SERPINA9: variants seen among roughly 807,000 people sequenced by gnomAD.
SERPINA9 encodes the protein serpin family A member 9.
In SERPINA9, 32 loss-of-function variants were observed where a neutral mutation model predicts 24.5. The observed-to-expected ratio is 1.30, with a 90% CI of 0.98 to 1.75. SERPINA9 has a LOEUF of 1.75. Ranked by LOEUF, SERPINA9 falls within the 40% of genes most tolerant of loss-of-function variation. The probability of loss-of-function intolerance (pLI) is 0.00; values close to 1 mark genes in which losing one functional copy is unlikely to be tolerated. For synonymous variants in SERPINA9, 233 were observed against 197.7 expected, an observed-to-expected ratio of 1.18 and a Z score of -1.50; for missense variants, 594 against 497.1, an observed-to-expected ratio of 1.19 and a Z score of -1.85.
At chr14:94,463,529 T>G (rs542743493) in intron 4 of SERPINA9, among the ~76,000 whole-genome samples, 34 of 152,024 alleles carry the variant, frequency 2.2e-4, no homozygotes, top group African/African-American at 7.7e-4. Flanking sequence ...AAGACCGGAG[T>G]GAGTCTCAGT....
At chr14:94,470,866 A>G (rs1899282052) in intron 1 of SERPINA9, among the ~76,000 whole-genome samples, 1 of 152,118 alleles carries the variant, frequency 6.6e-6, no homozygotes, top group Admixed American at 6.5e-5. Flanking sequence ...GAAAGATTTC[A>G]TTTCCTTTAA....
At chr14:94,475,295 C>T (rs1263924879) in intron 1 of SERPINA9, among the ~76,000 whole-genome samples, 2 of 152,140 alleles carry the variant, frequency 1.3e-5, no homozygotes, top group Non-Finnish European at 2.9e-5. Flanking sequence ...TGTAACTCAT[C>T]AGCTCACTCT....
At chr14:94,467,085 C>T in intron 3 of SERPINA9, 24 bp downstream of exon 3, 1 of 1,607,320 alleles carries the variant, frequency 6.2e-7, no homozygotes, top group Non-Finnish European at 8.5e-7. Context: ...CCTCAGGGCC[C>T]AGGAGATTGA....
chr14:94,469,833 G>A lies in SERPINA9; in HGVS notation c.8C>T (p.Ser3Phe). The change falls in exon 2 of 5, where the codon TCT becomes TTT. Residue 3 changes from serine to phenylalanine, a missense_variant. Coordinates refer to ENST00000674397, the MANE Select transcript of SERPINA9 (RefSeq NM_175739.4). MA[S>F]YLYGVLFAVG... is the part of the protein sequence containing the mutation. ...AGCAAAGAGTACTCCATAAAGGTAA[G>A]ATGCCATTTTGGAACAAAATATGTC... The A allele has an allele frequency of 6.6e-7, 1 of 1,510,726 alleles. No homozygotes were observed. The highest frequency in any genetic ancestry group is 8.8e-7 in the Non-Finnish European group (1 of 1,130,208). The allele number at this position is 1,510,726 out of a possible 1,614,324, so 93.6% of individuals were successfully genotyped here.
At chr14:94,467,955 G>A (rs1899097954) in intron 2 of SERPINA9, among the ~76,000 whole-genome samples, 1 of 147,978 alleles carries the variant, frequency 6.8e-6, no homozygotes. Flanking sequence ...ATAGATGGAT[G>A]AACTGATGGA....
Position 94,473,472 on chromosome 14 carries a change from T to C in SERPINA9, c.-18+2664A>G, listed in dbSNP as rs536247630. On this transcript the variant is annotated intron_variant, in intron 1 of 4. Coordinates refer to ENST00000674397, the MANE Select transcript of SERPINA9 (RefSeq NM_175739.4). ...AGGCGGAAGTTGCAGTGAGTCGAGA[T>C]CAGGCCATTGCACTCCAGCCTGGGC... Among the ~76,000 whole-genome samples the C allele has an allele frequency of 2.1e-3, 288 of 136,134 alleles. 2 individuals carry two copies. The highest frequency in any genetic ancestry group is 7.9e-3 in the African/African-American group (278 of 35,218). The allele number at this position is 136,134 out of a possible 152,430, so 89.3% of individuals were successfully genotyped here.
intron 1 of SERPINA9, 38 bp downstream of exon 1, chr14:94,476,095 ACAC>A (rs1394525531): frequency 6.2e-7 from 1 of 1,613,932 alleles, no homozygotes; most frequent in African/African-American, 1.3e-5. Flanking sequence ...TGGCTCAGTG[ACAC>A]CACATTCCCG....
chr14:94,472,837 T>C (rs1899388493), intron 1 of SERPINA9, among the ~76,000 whole-genome samples: 1 of 152,164 alleles, frequency 6.6e-6, no homozygotes, highest in Non-Finnish European at 1.5e-5. Flanking sequence ...AGATTCAGGC[T>C]GGGAGGACCA....
In SERPINA9 at chr14:94,464,708, T is replaced by G. The variant is rs200842178; in HGVS notation, c.1049A>C (p.Lys350Thr). The change falls in exon 4 of 5, where the codon AAA becomes ACA. Residue 350 changes from lysine (K) to threonine (T), a missense_variant and splice_region_variant. Physicochemically the swap from Lys to Thr is moderately conservative, Grantham distance 78 (BLOSUM62 -1). Transcript: ENST00000674397. ...IAKRDSLQVSKATHKAVLDVS... is the reference protein window; with the variant it reads ...IAKRDSLQVSTATHKAVLDVS... ...TGCAAATATTTTCATTCAACTCACT[T>G]TAGAAACCTGCAGGGAGTCTCTCTT... The G allele has an allele frequency of 8.7e-6, 14 of 1,611,480 alleles. No individual in the cohort carries two copies. The East Asian group carries it at 3.1e-4, about 36-fold the overall frequency.
intron 3 of SERPINA9, 48 bp from the exon 4 acceptor site, chr14:94,464,902 C>T (rs768774439): frequency 4.6e-6 from 7 of 1,513,288 alleles, no homozygotes; most frequent in Non-Finnish European, 6.3e-6. Flanking sequence ...CCCATGGTGT[C>T]TGCATCTCTG....
intron 2 of SERPINA9, 108 bp from the exon 3 acceptor site, chr14:94,467,490 G>T: frequency 9.5e-7 from 1 of 1,050,294 alleles, no homozygotes; most frequent in Non-Finnish European, 1.4e-6. Flanking sequence ...GTTTCTTTTT[G>T]AGGTGACAAA....
At position 94,464,779 on chromosome 14, in the gene SERPINA9, G is replaced by T; in HGVS notation, c.978C>A (p.Gly326=). ...YNLETILPKM[G]IQNVFDKNAD... ...CATTTTTGTCAAAGACATTTTGGATGCCCATCTTCGGGAGGATGGTTTCCA... is the reference window on the plus strand; with the variant it reads ...CATTTTTGTCAAAGACATTTTGGATTCCCATCTTCGGGAGGATGGTTTCCA... The change falls in exon 4 of 5, where the codon GGC becomes GGA. Residue 326 remains glycine (G), a synonymous_variant. Transcript: ENST00000674397. 1 of 1,611,794 alleles carries T rather than the reference G, an allele frequency of 6.2e-7. No individual in the cohort carries two copies. Among genetic ancestry groups the T allele is most frequent in the Non-Finnish European group, 8.5e-7 (1 of 1,177,832 alleles).
At chr14:94,467,080 G>A in intron 3 of SERPINA9, 29 bp downstream of exon 3, 4 of 1,604,128 alleles carry the variant, frequency 2.5e-6, no homozygotes, top group Non-Finnish European at 3.4e-6. Context: ...CCCTGCCTCA[G>A]GGCCCAGGAG....
At chr14:94,472,529 T>C (rs542875743) in intron 1 of SERPINA9, among the ~76,000 whole-genome samples, 7 of 152,276 alleles carry the variant, frequency 4.6e-5, no homozygotes, top group East Asian at 3.9e-4. Context: ...GTTCTTTGAA[T>C]GTGTAATTTA....
At chr14:94,475,665 A>G (rs1194901503) in intron 1 of SERPINA9, among the ~76,000 whole-genome samples, 1 of 152,092 alleles carries the variant, frequency 6.6e-6, no homozygotes, top group Admixed American at 6.5e-5. Flanking sequence ...GGGCCTTAGA[A>G]AGTATCTCTT....
intron 1 of SERPINA9, among the ~76,000 whole-genome samples, chr14:94,475,596 C>G (rs1899571722): frequency 6.6e-6 from 1 of 152,210 alleles, no homozygotes; most frequent in African/African-American, 2.4e-5. Flanking sequence ...TCCCCTACAC[C>G]TCCACTCCAC....
chr14:94,471,278 G>T (rs932226263), intron 1 of SERPINA9, among the ~76,000 whole-genome samples: 2 of 152,122 alleles, frequency 1.3e-5, no homozygotes, highest in Admixed American at 6.5e-5. Context: ...TTACCCACTG[G>T]AACAAGAATT....
At chr14:94,470,107 T>C in intron 1 of SERPINA9, 1 of 977,794 alleles carries the variant, frequency 1.0e-6, no homozygotes, top group Non-Finnish European at 1.3e-6. Context: ...CATGGTTGAC[T>C]TGTCTGTGTT....
At chr14:94,475,961 T>A in intron 1 of SERPINA9, 175 bp downstream of exon 1, 1 of 865,926 alleles carries the variant, frequency 1.2e-6, no homozygotes, top group Admixed American at 2.3e-5. Flanking sequence ...GCCTGGCTTC[T>A]GTATCCACAA....
Sources: allele counts gnomAD v4.1 joint callset (sites outside exome capture counted in the v4.1 genomes callset), GRCh38; gene constraint gnomAD v4.1.1; transcripts MANE v1.5; gene names NCBI Gene and HGNC (gene_info 2026-07-23, HGNC 2026-07-21).